SCD5: variants seen among roughly 807,000 people sequenced by gnomAD.
The protein encoded by SCD5 is acyl-CoA-desaturase 4.
In SCD5, 20 loss-of-function variants were observed where a neutral mutation model predicts 30.4. The ratio of observed to expected loss-of-function variants is 0.66; its 90% CI spans 0.46 to 0.96. The LOEUF (loss-of-function observed/expected upper bound fraction) is 0.96, where lower values mean the gene tolerates loss of function less well. SCD5 is among the 40% of genes least tolerant of loss of function. The pLI is 0.00. For missense variants in SCD5, 381 were observed against 443.3 expected (o/e 0.86, Z 1.26); for synonymous variants, 173 against 176.4 (o/e 0.98, Z 0.16).
chr4:82,776,735 A>G (rs1164546596), intron 1 of SCD5, among the ~76,000 whole-genome samples: 1 of 152,238 alleles, frequency 6.6e-6, no homozygotes, highest in East Asian at 1.9e-4. Flanking sequence ...AAGAAGTTCC[A>G]TAAAGTATGG....
intron 1 of SCD5, among the ~76,000 whole-genome samples, chr4:82,728,393 G>A (rs965306035): frequency 2.0e-5 from 3 of 152,154 alleles, no homozygotes; most frequent in Non-Finnish European, 4.4e-5. Flanking sequence ...AGGTCACAAG[G>A]TTAGGATTAT....
At chr4:82,641,421 C>T (rs990618726) in intron 3 of SCD5, among the ~76,000 whole-genome samples, 2 of 151,626 alleles carry the variant, frequency 1.3e-5, no homozygotes, top group Non-Finnish European at 2.9e-5. Context: ...GTGGTAAATA[C>T]CAGGAAGAAA....
At chr4:82,676,574 G>A (rs1728441264) in intron 3 of SCD5, among the ~76,000 whole-genome samples, 1 of 152,228 alleles carries the variant, frequency 6.6e-6, no homozygotes, top group African/African-American at 2.4e-5. Flanking sequence ...CCTGTTGGGA[G>A]AACAGATCCC....
intron 1 of SCD5, among the ~76,000 whole-genome samples, chr4:82,760,916 A>G (rs1721350941): frequency 6.6e-6 from 1 of 152,224 alleles, no homozygotes; most frequent in South Asian, 2.1e-4. Context: ...CAGTGCCCTG[A>G]GCATAGCACA....
chr4:82,716,105 C>T (rs952317315), intron 1 of SCD5, among the ~76,000 whole-genome samples: 8 of 152,004 alleles, frequency 5.3e-5, no homozygotes, highest in African/African-American at 1.9e-4. Context: ...AGCCTGAGAG[C>T]GTTCCATGAT....
intron 2 of SCD5, among the ~76,000 whole-genome samples, chr4:82,694,139 G>A (rs924885101): frequency 2.0e-5 from 3 of 152,216 alleles, no homozygotes; most frequent in Non-Finnish European, 4.4e-5. Context: ...ACCCAGGCAT[G>A]TTGGGTCCCA....
intron 1 of SCD5, among the ~76,000 whole-genome samples, chr4:82,774,156 AATT>A (rs1470374330): frequency 1.3e-5 from 2 of 152,084 alleles, no homozygotes; most frequent in African/African-American, 4.8e-5. Flanking sequence ...ATTCTGAGGA[AATT>A]ATTAAGGATG....
intron 1 of SCD5, among the ~76,000 whole-genome samples, chr4:82,786,324 C>T (rs1474421094): frequency 6.6e-6 from 1 of 152,142 alleles, no homozygotes; most frequent in Non-Finnish European, 1.5e-5. Flanking sequence ...CATTTGTAAG[C>T]CACTGTCTCT....
intron 1 of SCD5, among the ~76,000 whole-genome samples, chr4:82,717,245 G>C (rs942072646): frequency 6.6e-6 from 1 of 151,822 alleles, no homozygotes; most frequent in African/African-American, 2.4e-5. Context: ...AGAGGCTCTA[G>C]GGAAAAGATG....
At chr4:82,706,113 T>C (rs1032446080) in intron 1 of SCD5, among the ~76,000 whole-genome samples, 2 of 152,230 alleles carry the variant, frequency 1.3e-5, no homozygotes, top group Admixed American at 1.3e-4. Context: ...GCCTCCTTTG[T>C]TATTGTAATT....
intron 1 of SCD5, among the ~76,000 whole-genome samples, chr4:82,712,784 G>T (rs138273031): frequency 1.5e-3 from 229 of 152,282 alleles, no homozygotes; most frequent in African/African-American, 5.1e-3. Context: ...CAGTGACAGG[G>T]CAAGGACCTC....
At chr4:82,671,240 A>G (rs1273846151) in intron 3 of SCD5, among the ~76,000 whole-genome samples, 1 of 152,204 alleles carries the variant, frequency 6.6e-6, no homozygotes, top group Non-Finnish European at 1.5e-5. Flanking sequence ...AAAATATGTG[A>G]AGCAAAAACT....
chr4:82,660,911 G>T (rs3733228), intron 3 of SCD5: 521,898 of 1,613,762 alleles, frequency 0.32, 89,422 homozygotes, highest in Admixed American at 0.53. Flanking sequence ...AGAGCACGCA[G>T]CATCAAGCAG....
At chr4:82,742,596 G>A (rs1385224563) in intron 1 of SCD5, among the ~76,000 whole-genome samples, 1 of 152,164 alleles carries the variant, frequency 6.6e-6, no homozygotes, top group African/African-American at 2.4e-5. Context: ...AGACCAGCCT[G>A]GCCAACATGG....
intron 1 of SCD5, among the ~76,000 whole-genome samples, chr4:82,728,672 T>C (rs949593726): frequency 1.3e-5 from 2 of 152,050 alleles, no homozygotes; most frequent in Non-Finnish European, 2.9e-5. Flanking sequence ...TGTGATTTCA[T>C]CCTTAACCAA....
intron 1 of SCD5, among the ~76,000 whole-genome samples, chr4:82,728,021 C>G (rs1181399473): frequency 6.6e-6 from 1 of 152,058 alleles, no homozygotes; most frequent in Admixed American, 6.5e-5. Context: ...TAGTCTTGAG[C>G]CTTTTAATGA....
chr4:82,709,081 A>G (rs753675876), intron 1 of SCD5, among the ~76,000 whole-genome samples: 69 of 152,348 alleles, frequency 4.5e-4, no homozygotes, highest in Admixed American at 9.8e-4. Flanking sequence ...AATCTAAGGC[A>G]GGAAGAGCCC....
At chr4:82,732,986 G>T (rs1199431747) in intron 1 of SCD5, among the ~76,000 whole-genome samples, 1 of 152,150 alleles carries the variant, frequency 6.6e-6, no homozygotes, top group Non-Finnish European at 1.5e-5. Context: ...CCAAATTAAT[G>T]ATGATGCTGA....
chr4:82,749,220 C>T (rs1242809437), intron 1 of SCD5, among the ~76,000 whole-genome samples: 1 of 152,100 alleles, frequency 6.6e-6, no homozygotes, highest in Non-Finnish European at 1.5e-5. Flanking sequence ...TCTAGGGAGT[C>T]GCTAGGAGAT....
Sources: allele counts gnomAD v4.1 joint callset (sites outside exome capture counted in the v4.1 genomes callset), GRCh38; gene constraint gnomAD v4.1.1; transcripts MANE v1.5; gene names NCBI Gene and HGNC (gene_info 2026-07-23, HGNC 2026-07-21).